ARNT2: variants seen among roughly 807,000 people sequenced by gnomAD.
The protein encoded by ARNT2 is aryl hydrocarbon receptor nuclear translocator 2.
A neutral mutation model predicts 91.7 loss-of-function variants in ARNT2; 36 were observed. That is an observed-to-expected ratio of 0.39 (90% CI 0.30 to 0.52). ARNT2 has a LOEUF of 0.52. Among genes scored for constraint, ARNT2 ranks in the 20% least tolerant of loss-of-function variants. The pLI, the probability that ARNT2 is intolerant of heterozygous loss-of-function variation, is 0.72. For synonymous variants in ARNT2, 365 were observed against 347.1 expected, an observed-to-expected ratio of 1.05 and a Z score of -0.57; for missense variants, 775 against 939.3, an observed-to-expected ratio of 0.83 and a Z score of 2.29.
intron 1 of ARNT2, among the ~76,000 whole-genome samples, chr15:80,417,054 C>G (rs1595953419): frequency 6.6e-6 from 1 of 152,130 alleles, no homozygotes; most frequent in East Asian, 1.9e-4. Flanking sequence ...AACTAAGTAT[C>G]AATTTCATTT....
At chr15:80,462,947 A>T (rs1052261442) in intron 3 of ARNT2, among the ~76,000 whole-genome samples, 5 of 152,006 alleles carry the variant, frequency 3.3e-5, no homozygotes, top group Non-Finnish European at 7.4e-5. Flanking sequence ...CCCTGGCTTT[A>T]TAGGTTGTGG....
intron 8 of ARNT2, among the ~76,000 whole-genome samples, chr15:80,521,279 T>C (rs1897541266): frequency 6.6e-6 from 1 of 152,120 alleles, no homozygotes; most frequent in African/African-American, 2.4e-5. Flanking sequence ...ATTAAATGAG[T>C]GCTGGCAGCA....
intron 8 of ARNT2, 149 bp downstream of exon 8, chr15:80,514,554 G>C (rs1174551990): frequency 8.6e-6 from 6 of 698,738 alleles, no homozygotes; most frequent in Non-Finnish European, 1.4e-5. Flanking sequence ...TTTGTAATTG[G>C]AAAACATCCT....
At chr15:80,548,353 A>G (rs765758956) in intron 8 of ARNT2, among the ~76,000 whole-genome samples, 1 of 152,222 alleles carries the variant, frequency 6.6e-6, no homozygotes, top group African/African-American at 2.4e-5. Context: ...AAGCCCTGAG[A>G]CATTTCCACT....
At chr15:80,488,704 A>G (rs902674946) in intron 5 of ARNT2, 3 of 152,070 alleles carry the variant, frequency 2.0e-5, no homozygotes, top group African/African-American at 7.2e-5. Flanking sequence ...AACAAACCCC[A>G]CGCATAAATA....
intron 3 of ARNT2, among the ~76,000 whole-genome samples, chr15:80,462,696 G>A (rs1014169735): frequency 6.6e-6 from 1 of 152,286 alleles, no homozygotes; most frequent in Admixed American, 6.5e-5. Flanking sequence ...AACCTTTTTA[G>A]AAATGGCTGC....
chr15:80,508,319 T>C (rs1292165193), intron 6 of ARNT2, 61 bp downstream of exon 6: 2 of 1,552,890 alleles, frequency 1.3e-6, no homozygotes, highest in Non-Finnish European at 8.9e-7. Context: ...TCTGTCACCG[T>C]TAAGAGCCTT....
intron 8 of ARNT2, among the ~76,000 whole-genome samples, chr15:80,546,523 T>G (rs894783424): frequency 6.6e-6 from 1 of 152,166 alleles, no homozygotes; most frequent in African/African-American, 2.4e-5. Flanking sequence ...GAGGAGGATG[T>G]TTTGGTAGAG....
intron 14 of ARNT2, among the ~76,000 whole-genome samples, chr15:80,576,329 T>C (rs563689651): frequency 6.6e-6 from 1 of 152,030 alleles, no homozygotes; most frequent in Admixed American, 6.6e-5. Context: ...CAGGCTGGAG[T>C]GCAGTGGCGT....
chr15:80,434,793 A>G (rs1476002342), intron 1 of ARNT2, among the ~76,000 whole-genome samples: 1 of 152,066 alleles, frequency 6.6e-6, no homozygotes, highest in Non-Finnish European at 1.5e-5. Flanking sequence ...GTCCAGGAGC[A>G]GGATAATAGA....
chr15:80,565,387 C>T (rs1008043131), intron 12 of ARNT2, among the ~76,000 whole-genome samples: 3 of 152,138 alleles, frequency 2.0e-5, no homozygotes, highest in Non-Finnish European at 4.4e-5. Context: ...AATGGGATTG[C>T]TGGGTTGACT....
At chr15:80,499,071 A>G (rs1897156916) in intron 5 of ARNT2, among the ~76,000 whole-genome samples, 1 of 152,226 alleles carries the variant, frequency 6.6e-6, no homozygotes, top group South Asian at 2.1e-4. Context: ...CAGGGGCTAT[A>G]GAGGAGGGGG....
chr15:80,552,298 G>A (rs1225258904), intron 9 of ARNT2, among the ~76,000 whole-genome samples: 1 of 152,234 alleles, frequency 6.6e-6, no homozygotes, highest in Non-Finnish European at 1.5e-5. Flanking sequence ...GGTGGGGGAA[G>A]AGAAGGGGAT....
At chr15:80,520,075 T>C (rs918881210) in intron 8 of ARNT2, among the ~76,000 whole-genome samples, 34 of 151,700 alleles carry the variant, frequency 2.2e-4, no homozygotes, top group African/African-American at 8.0e-4. Context: ...ATGACCCAGT[T>C]CCCAGTTTGA....
chr15:80,475,896 G>A (rs982670136), intron 5 of ARNT2, among the ~76,000 whole-genome samples: 3 of 152,150 alleles, frequency 2.0e-5, no homozygotes, highest in African/African-American at 7.2e-5. Context: ...TTATTGAAAT[G>A]TTTAAATATA....
intron 8 of ARNT2, among the ~76,000 whole-genome samples, chr15:80,528,189 C>T (rs1375470020): frequency 5.9e-5 from 9 of 151,934 alleles, no homozygotes; most frequent in Admixed American, 6.6e-5. Context: ...AGGCCACAGG[C>T]GGGGGTGGCA....
At chr15:80,577,097 C>G (rs1596022635) in intron 15 of ARNT2, 132 bp downstream of exon 15, 2 of 826,402 alleles carry the variant, frequency 2.4e-6, no homozygotes, top group Admixed American at 5.1e-5. Flanking sequence ...TTGGACTAAA[C>G]TGAGGATTCT....
intron 1 of ARNT2, among the ~76,000 whole-genome samples, chr15:80,442,680 CCT>C (rs1896211480): frequency 6.6e-6 from 1 of 152,226 alleles, no homozygotes; most frequent in Admixed American, 6.5e-5. Flanking sequence ...TGTGTGGCCC[CCT>C]GATTCAATGA....
Position 80,574,168 on chromosome 15 carries a change from C to T in ARNT2, c.1337C>T (p.Ala446Val). 6.2e-7 allele frequency: 1 copy of T among 1,614,200 alleles called. No individual in the cohort carries two copies. ...TNVKQLQQQQ[A>V]ELEVHQRDGL... ...CACAGGCAACTTCAGCAACAGCAGG[C>T]AGAATTGGAAGTGCACCAGAGAGAT... The change falls in exon 13 of 19, where the codon GCA becomes GTA. Residue 446 changes from alanine to valine, a missense_variant. Physicochemically the swap from Ala to Val is moderately conservative, Grantham distance 64 (BLOSUM62 0). This residue lies in a region of ARNT2 where 325 missense variants were observed against 359.9 expected (regional missense o/e 0.90). Coordinates refer to ENST00000303329, the MANE Select transcript of ARNT2 (RefSeq NM_014862.4).
Sources: allele counts gnomAD v4.1 joint callset (sites outside exome capture counted in the v4.1 genomes callset), GRCh38; gene constraint gnomAD v4.1.1; regional missense constraint gnomAD v4.1.1; transcripts MANE v1.5; gene names NCBI Gene and HGNC (gene_info 2026-07-23, HGNC 2026-07-21).